Variants in AGAP4 observed in about 807,000 individuals in gnomAD.
AGAP4 encodes ArfGAP with GTPase domain, ankyrin repeat and PH domain 4.
Under a neutral mutation model 60.7 loss-of-function variants are expected in AGAP4, and 13 were observed. The ratio of observed to expected loss-of-function variants is 0.21; its 90% confidence interval spans 0.14 to 0.34. AGAP4 has a LOEUF of 0.34. Ranked by LOEUF, AGAP4 falls within the 10% of genes least tolerant of loss-of-function variation. AGAP4 has a pLI of 1.00. For synonymous variants in AGAP4, 70 were observed against 339.0 expected (o/e 0.21, Z 8.72); for missense variants, 169 against 884.0 (o/e 0.19, Z 10.26).
At position 45,826,488 on chromosome 10, in the gene AGAP4, G is replaced by T. The variant is rs200734346; in HGVS notation, c.1488C>A (p.Val496=). ...NPKWASLNLG[V]LMCIECSGIH... Reference sequence around the variant, plus strand: ...TTCCTGAGCATTCAATACACATGAGGACTCCCAAGTTCAAACTGGCCCACT... The same window carrying T: ...TTCCTGAGCATTCAATACACATGAGTACTCCCAAGTTCAAACTGGCCCACT... The change falls in exon 8 of 8, where the codon GTC becomes GTA. Residue 496 remains valine, a synonymous_variant. Transcript: ENST00000616763. The T allele has an allele frequency of 5.4e-3, 8,596 of 1,602,566 alleles. 427 individuals are homozygous for T. The African/African-American group carries it at 0.098, about 18-fold the overall frequency.
chr10:45,829,473 G>C (rs2135923664), intron 6 of AGAP4, among the ~76,000 whole-genome samples: 1 of 150,044 alleles, frequency 6.7e-6, no homozygotes, highest in African/African-American at 2.4e-5. Flanking sequence ...CACTTTGAGA[G>C]GCCAAAGCAG....
chr10:45,848,138 C>T (rs1195952572), upstream of AGAP4, among the ~76,000 whole-genome samples: 6 of 147,742 alleles, frequency 4.1e-5, no homozygotes, highest in Admixed American at 6.8e-5. Flanking sequence ...TGTCTTCCAA[C>T]GAGTGGTCAT....
At chr10:45,850,637 C>T (rs1295845591), upstream of AGAP4, among the ~76,000 whole-genome samples, 93 of 152,250 alleles carry the variant, frequency 6.1e-4, no homozygotes, top group African/African-American at 1.6e-3. Flanking sequence ...GTGACAAAAG[C>T]GGAGGAAAAA....
intron 3 of AGAP4, among the ~76,000 whole-genome samples, chr10:45,842,656 G>T (rs1438582914): frequency 4.1e-5 from 6 of 146,638 alleles, no homozygotes; most frequent in African/African-American, 1.4e-4. Flanking sequence ...CCCCAAGAGG[G>T]ACTTGGGCCA....
intron 5 of AGAP4, among the ~76,000 whole-genome samples, 159 bp from the exon 6 acceptor site, chr10:45,831,588 G>GT (rs1666599209): frequency 1.6e-5 from 2 of 127,468 alleles, no homozygotes; most frequent in African/African-American, 5.6e-5. Flanking sequence ...TCATTTCTTT[G>GT]TTTTTTACAA....
chr10:45,847,753 T>C (rs2059023474), upstream of AGAP4: 1 of 1,182,200 alleles, frequency 8.5e-7, no homozygotes, highest in Non-Finnish European at 1.1e-6. Context: ...TGGCACACAA[T>C]GCCCCACCCC....
intron 1 of AGAP4, among the ~76,000 whole-genome samples, 157 bp from the exon 2 acceptor site, chr10:45,846,912 G>A (rs1370456530): frequency 4.6e-5 from 7 of 151,446 alleles, no homozygotes; most frequent in African/African-American, 1.7e-4. Context: ...TGGGCGATTG[G>A]GAGGGGAGGC....
chr10:45,846,682 C>T lies in AGAP4; in HGVS notation c.292+5G>A. The T allele has an allele frequency of 2.9e-6, 3 of 1,052,560 alleles. No individual in the cohort carries two copies. The highest frequency in any genetic ancestry group is 2.7e-6 in the Non-Finnish European group (2 of 750,666). 65.2% of individuals were successfully genotyped at this position (1,052,560 alleles called of 1,614,324 possible). On this transcript the variant is annotated splice_donor_5th_base_variant and intron_variant, in intron 2 of 7. Coordinates refer to ENST00000616763, the MANE Select transcript of AGAP4 (RefSeq NM_001276343.3). Reference sequence around the variant, plus strand: ...TAAACAGAGCTACAGACACTGTTGTCTCACCATCTGTTTGAGAGTTCCTCT... The same window carrying T: ...TAAACAGAGCTACAGACACTGTTGTTTCACCATCTGTTTGAGAGTTCCTCT...
upstream of AGAP4, chr10:45,854,230 G>A (rs1554900774): frequency 1.1e-5 from 2 of 181,516 alleles, no homozygotes; most frequent in Non-Finnish European, 2.3e-5. Context: ...GGGACTGACT[G>A]CACCATCCTA....
chr10:45,848,289 C>T (rs3964865), upstream of AGAP4, among the ~76,000 whole-genome samples: 29 of 138,358 alleles, frequency 2.1e-4, no homozygotes, highest in Admixed American at 5.2e-4. Flanking sequence ...ACCTAACTTG[C>T]CCCTCCAAGC....
intron 6 of AGAP4, among the ~76,000 whole-genome samples, chr10:45,830,723 G>A (rs1367320582): frequency 3.8e-5 from 5 of 130,680 alleles, no homozygotes; most frequent in East Asian, 2.3e-4. Flanking sequence ...CTGACCTTGT[G>A]ATCCGCCCGC....
chr10:45,851,524 G>A (rs1321111819), upstream of AGAP4, among the ~76,000 whole-genome samples: 1 of 151,836 alleles, frequency 6.6e-6, no homozygotes, highest in African/African-American at 2.4e-5. Flanking sequence ...GTCAGGCAGT[G>A]GGTAAAGTAG....
At chr10:45,850,505 G>A (rs1157500016), upstream of AGAP4, among the ~76,000 whole-genome samples, 3 of 152,086 alleles carry the variant, frequency 2.0e-5, no homozygotes, top group African/African-American at 4.8e-5. Context: ...ATTGAACCAT[G>A]AAAAGGTGAA....
chr10:45,841,798 T>C (rs2058923399), intron 3 of AGAP4, 111 bp from the exon 4 acceptor site: 10 of 1,188,076 alleles, frequency 8.4e-6, no homozygotes, highest in Non-Finnish European at 1.1e-5. Flanking sequence ...AAAATTCCAT[T>C]AAAAAAAAAA....
chr10:45,851,488 T>C (rs1249137259), upstream of AGAP4, among the ~76,000 whole-genome samples: 1 of 151,092 alleles, frequency 6.6e-6, no homozygotes, highest in Non-Finnish European at 1.5e-5. Flanking sequence ...ATTGGGCTTG[T>C]GTGTGTGTGT....
Position 45,826,501 on chromosome 10 carries a change from A to C in AGAP4, c.1475T>G (p.Leu492Trp). ...CETQNPKWASLNLGVLMCIEC... is the reference protein window; with the variant it reads ...CETQNPKWASWNLGVLMCIEC... Reference sequence around the variant, plus strand: ...AATACACATGAGGACTCCCAAGTTCAAACTGGCCCACTTAGGATTCTGGGT... The same window carrying C: ...AATACACATGAGGACTCCCAAGTTCCAACTGGCCCACTTAGGATTCTGGGT... The change falls in exon 8 of 8, where the codon TTG becomes TGG. Residue 492 changes from leucine to tryptophan, a missense_variant. Transcript: ENST00000616763. 1 of 1,601,336 alleles carries C rather than the reference A, an allele frequency of 6.2e-7. No homozygotes were observed.
intron 3 of AGAP4, among the ~76,000 whole-genome samples, chr10:45,842,950 G>A (rs2058943185): frequency 9.7e-6 from 1 of 102,904 alleles, no homozygotes; most frequent in South Asian, 4.2e-4. Flanking sequence ...CTTATGAATG[G>A]CTTGGTCCCA....
chr10:45,852,217 TAAAAAAAA>T (rs781889843), upstream of AGAP4, among the ~76,000 whole-genome samples: 32 of 91,736 alleles, frequency 3.5e-4, no homozygotes, highest in African/African-American at 1.6e-3. Context: ...GGCCAGACTT[TAAAAAAAA>T]AAAAAAAAAA....
At chr10:45,849,648 T>C, upstream of AGAP4, among the ~76,000 whole-genome samples, 2 of 151,428 alleles carry the variant, frequency 1.3e-5, 1 homozygote, top group East Asian at 3.9e-4. Context: ...ACACTATTTT[T>C]TTTTTTTTTG....
Sources: allele counts gnomAD v4.1 joint callset (sites outside exome capture counted in the v4.1 genomes callset), GRCh38; gene constraint gnomAD v4.1.1; transcripts MANE v1.5; gene names NCBI Gene and HGNC (gene_info 2026-07-23, HGNC 2026-07-21).